Variants in XAB2 observed in about 807,000 individuals in gnomAD.
XAB2 encodes the protein XPA binding protein 2.
A neutral mutation model predicts 113.4 loss-of-function variants in XAB2; 57 were observed. That is an observed-to-expected ratio of 0.50 (90% CI 0.41 to 0.63). The LOEUF is 0.63. Among genes scored for constraint, XAB2 ranks in the 20% least tolerant of loss-of-function variants. XAB2 has a pLI of 0.00. For missense variants in XAB2, 1,037 were observed against 1,233.3 expected (o/e 0.84, Z 2.38); for synonymous variants, 497 against 498.8 (o/e 1.00, Z 0.05).
rs1362167484 is a variant in XAB2, at chr19:7,619,804, C to T, written c.2449G>A (p.Glu817Lys). ...TCGTCCTCGCCCAGCTGGATCTCCT[C>T]GGGGTTGACCTGCTGTGCCAGCTCT... ...LAELAQQVNP[E>K]EIQLGEDEDE... The change falls in exon 18 of 19, where the codon GAG (glutamate) becomes AAG (lysine). Residue 817 changes from glutamate (E) to lysine (K), a missense_variant. Physicochemically the swap from Glu to Lys is moderately conservative, Grantham distance 56. Coordinates refer to ENST00000358368, the MANE Select transcript of XAB2 (RefSeq NM_020196.3). 1.9e-6 allele frequency: 3 copies of T among 1,613,466 alleles called. No individual in the cohort carries two copies. The highest frequency in any genetic ancestry group is 2.5e-6 in the Non-Finnish European group (3 of 1,179,958).
At position 7,625,128 on chromosome 19, in the gene XAB2, C is replaced by T. The variant is rs994183606; in HGVS notation, c.823-683G>A. Reference sequence around the variant, plus strand: ...GCCTCCCCGCTCTCGGCTCTGGCCCCCTCTGCACCCACCTGCCCCCAGGCC... The same window carrying T: ...GCCTCCCCGCTCTCGGCTCTGGCCCTCTCTGCACCCACCTGCCCCCAGGCC... On this transcript the variant is annotated intron_variant, in intron 6 of 18. Coordinates refer to ENST00000358368, the MANE Select transcript of XAB2 (RefSeq NM_020196.3). This position sits in a 1 kb window ranked among gnomAD's most constrained non-coding sequence, Gnocchi z 5.2. Among the ~76,000 whole-genome samples, 1 of 152,228 alleles carries T rather than the reference C, an allele frequency of 6.6e-6. No individual in the cohort carries two copies. The highest frequency in any genetic ancestry group is 1.5e-5 in the Non-Finnish European group (1 of 68,040).
In XAB2 at chr19:7,628,050, G is replaced by A. The variant is rs1325419331; in HGVS notation, c.200+100C>T. On this transcript the variant is annotated intron_variant, in intron 2 of 18. Coordinates refer to ENST00000358368, the MANE Select transcript of XAB2 (RefSeq NM_020196.3). The surrounding 1 kb of genome is among the most constrained non-coding windows in gnomAD (Gnocchi z 4.6). Reference sequence around the variant, plus strand: ...GATGTACAGGTCAGTGATGAAACACGAAGCAATCACCCGGGACCCGGGACC... The same window carrying A: ...GATGTACAGGTCAGTGATGAAACACAAAGCAATCACCCGGGACCCGGGACC... The A allele has an allele frequency of 1.1e-5, 17 of 1,502,918 alleles. 1 individual carries two copies. Among genetic ancestry groups the A allele is most frequent in the East Asian group, 4.8e-5 (2 of 41,276 alleles). 93.1% of individuals were successfully genotyped at this position (1,502,918 alleles called of 1,614,324 possible).
In XAB2 at chr19:7,622,750, G is replaced by A; in HGVS notation, c.1371+12C>T. The A allele has an allele frequency of 1.9e-6, 3 of 1,613,898 alleles. No individual in the cohort carries two copies. Among genetic ancestry groups the A allele is most frequent in the Non-Finnish European group, 2.5e-6 (3 of 1,180,014 alleles). On this transcript the variant is annotated intron_variant, in intron 10 of 18. Coordinates refer to ENST00000358368, the MANE Select transcript of XAB2 (RefSeq NM_020196.3). ...CTGCAGCCCCCACCCCACAGCCTGG[G>A]CCTGTTCTCACTCGCAGCAGCCGCA... is the stretch of plus-strand genomic sequence containing the variant.
rs1448811999 is a variant in XAB2, at chr19:7,625,643, T to C, written c.822+237A>G. On this transcript the variant is annotated intron_variant, in intron 6 of 18. Transcript: ENST00000358368. The surrounding 1 kb of genome is among the most constrained non-coding windows in gnomAD (Gnocchi z 5.2). Reference sequence around the variant, plus strand: ...ACAGGCGCGCACCACCATGTCTGACTAATTTTTGTATTTTTAGTAGTGATG... The same window carrying C: ...ACAGGCGCGCACCACCATGTCTGACCAATTTTTGTATTTTTAGTAGTGATG... 6.6e-6 allele frequency among the ~76,000 whole-genome samples: 1 copy of C among 152,054 alleles called. No individual in the cohort carries two copies. The highest frequency in any genetic ancestry group is 1.9e-4 in the East Asian group (1 of 5,192).
rs752152693 is a variant in XAB2, at chr19:7,620,371, G to A, written c.2170C>T (p.Leu724=). Residue 724 remains leucine, a synonymous_variant, in exon 16 of 19, where the codon CTG becomes TTG. Transcript: ENST00000358368. ...HGNEDTIKEM[L]RIRRSVQATY... Reference sequence around the variant, plus strand: ...GCCTGCACGCTGCGCCGGATACGCAGCATTTCCTTGATGGTGTCCTCATTG... The same window carrying A: ...GCCTGCACGCTGCGCCGGATACGCAACATTTCCTTGATGGTGTCCTCATTG... 1.7e-5 allele frequency: 27 copies of A among 1,613,038 alleles called. No individual in the cohort carries two copies. Among genetic ancestry groups the A allele is most frequent in the Non-Finnish European group, 2.3e-5 (27 of 1,179,990 alleles).
intron 12 of XAB2, chr19:7,621,649 T>G: frequency 3.1e-6 from 1 of 320,598 alleles, no homozygotes; most frequent in Non-Finnish European, 5.9e-6. Context: ...GTAGCACGCG[T>G]ATGCATGTAC....
rs947855381 is a variant in XAB2 at position 7,627,832 on chromosome 19, A to G, written c.220T>C (p.Tyr74His). 6.2e-7 allele frequency: 1 copy of G among 1,613,910 alleles called. No homozygotes were observed. The highest frequency in any genetic ancestry group is 8.5e-7 in the Non-Finnish European group (1 of 1,179,886). The change falls in exon 3 of 19, where the codon TAC becomes CAC. Residue 74 changes from tyrosine to histidine, a missense_variant. Physicochemically the swap from Tyr to His is moderately conservative, Grantham distance 83. Transcript: ENST00000358368. This position sits in a 1 kb window ranked among gnomAD's most constrained non-coding sequence, Gnocchi z 4.5. ...LPCSYKLWYRYLKARRAQVKH... is the reference protein window; with the variant it reads ...LPCSYKLWYRHLKARRAQVKH... ...ACCTGTGCCCGACGCGCCTTCAGGT[A>G]TCGGTACCAGAGTTTGTAGCTGGGG...
rs2031104909 is a variant in XAB2, at chr19:7,624,781, C to A, written c.823-336G>T. ...CAAAAACCCCCCAGCGCCTATGGGT[C>A]CACCCTGCAGGGACCCTCGCCTCAG... On this transcript the variant is annotated intron_variant, in intron 6 of 18. Transcript: ENST00000358368. This position sits in a 1 kb window ranked among gnomAD's most constrained non-coding sequence, Gnocchi z 4.2. Among the ~76,000 whole-genome samples, 1 of 152,166 alleles carries A rather than the reference C, an allele frequency of 6.6e-6. No homozygotes were observed. Among genetic ancestry groups the A allele is most frequent in the African/African-American group, 2.4e-5 (1 of 41,442 alleles).
At position 7,620,045 on chromosome 19, in the gene XAB2, A is replaced by T; in HGVS notation, c.2297T>A (p.Met766Lys). 2.5e-6 allele frequency: 4 copies of T among 1,612,322 alleles called. No individual in the cohort carries two copies. Among genetic ancestry groups the T allele is most frequent in the Non-Finnish European group, 3.4e-6 (4 of 1,179,966 alleles). ...CTGTTCCAGCAGCTTCATGTCGTCC[A>T]TGCCACTCTGCCCAGGGGCCAGGTC... ...VSDLAPGQSG[M>K]DDMKLLEQRA... Residue 766 changes from methionine to lysine, a missense_variant, in exon 17 of 19, where the codon ATG (methionine) becomes AAG (lysine). Coordinates refer to ENST00000358368, the MANE Select transcript of XAB2 (RefSeq NM_020196.3).
In XAB2 at chr19:7,622,318, C is replaced by T; in HGVS notation, c.1617+13G>A. On this transcript the variant is annotated intron_variant, in intron 12 of 18. Coordinates refer to ENST00000358368, the MANE Select transcript of XAB2 (RefSeq NM_020196.3). ...TGCCATCAGGGGCCTCTGGGTCCAC[C>T]CTAGCCCCTCACCTTGAAGCTCTCC... The T allele has an allele frequency of 6.2e-7, 1 of 1,613,622 alleles. No homozygotes were observed. Among genetic ancestry groups the T allele is most frequent in the Non-Finnish European group, 8.5e-7 (1 of 1,179,652 alleles).
At position 7,624,473 on chromosome 19, in the gene XAB2, A is replaced by G. The variant is rs771190826; in HGVS notation, c.823-28T>C. ...GTGGGGACCCAGGGAAGGGGAGGTG[A>G]GAGGAAAGTGGCGCAGGGGACAGGC... is the stretch of plus-strand genomic sequence containing the variant. On this transcript the variant is annotated intron_variant, in intron 6 of 18. Coordinates refer to ENST00000358368, the MANE Select transcript of XAB2 (RefSeq NM_020196.3). The surrounding 1 kb of genome is among the most constrained non-coding windows in gnomAD (Gnocchi z 4.2). The G allele has an allele frequency of 6.2e-7, 1 of 1,613,534 alleles. No homozygotes were observed. The highest frequency in any genetic ancestry group is 8.5e-7 in the Non-Finnish European group (1 of 1,179,920).
In XAB2 at chr19:7,623,800, C is replaced by A. The variant is rs779577675; in HGVS notation, c.1050G>T (p.Leu350=). Residue 350 remains leucine (L), a synonymous_variant, in exon 8 of 19, where the codon CTG becomes CTT. Transcript: ENST00000358368. This position sits in a 1 kb window ranked among gnomAD's most constrained non-coding sequence, Gnocchi z 4.6. ...RRPLLLNSVL[L]RQNPHHVHEW... is the part of the protein sequence containing the mutation. ...CGTGCACGTGGTGTGGGTTTTGGCG[C>A]AGCAAGACGCTGTTGAGGAGCAGGG... 1 of 1,612,152 alleles carries A rather than the reference C, an allele frequency of 6.2e-7. No homozygotes were observed. The highest frequency in any genetic ancestry group is 1.1e-5 in the South Asian group (1 of 91,046).
At position 7,621,365 on chromosome 19, in the gene XAB2, T is replaced by C. The variant is rs1029850512; in HGVS notation, c.1618-68A>G. On this transcript the variant is annotated intron_variant, in intron 12 of 18. Transcript: ENST00000358368. ...AGACCACCAGGCACCCGGGATGTCC[T>C]TGGGTGGCGTCTGTAGGGAGCCTGC... 4.4e-6 allele frequency: 7 copies of C among 1,573,330 alleles called. No homozygotes were observed. In the Admixed American group the frequency reaches 1.2e-4, roughly 27 times the overall value.
At position 7,623,105 on chromosome 19, in the gene XAB2, C is replaced by T. The variant is rs2031070525; in HGVS notation, c.1239+65G>A. 1.9e-6 allele frequency: 3 copies of T among 1,598,168 alleles called. No homozygotes were observed. The highest frequency in any genetic ancestry group is 3.4e-5 in the Admixed American group (2 of 59,688). On this transcript the variant is annotated intron_variant, in intron 9 of 18. Coordinates refer to ENST00000358368, the MANE Select transcript of XAB2 (RefSeq NM_020196.3). This position sits in a 1 kb window ranked among gnomAD's most constrained non-coding sequence, Gnocchi z 4.6. ...ATGCACAAATATGTACACACACATA[C>T]ATGCACACATATACAAGCACACACA... is the stretch of plus-strand genomic sequence containing the variant.
In XAB2 at chr19:7,628,005, G is replaced by A; in HGVS notation, c.200+145C>T. ...AGGGACAGACTGGGACATCAGAGAA[G>A]GTGTGCTGACCCATCAAGGGATGTA... is the stretch of plus-strand genomic sequence containing the variant. On this transcript the variant is annotated intron_variant, in intron 2 of 18. Transcript: ENST00000358368. The surrounding 1 kb of genome is among the most constrained non-coding windows in gnomAD (Gnocchi z 4.6). 7 of 1,455,358 alleles carry A rather than the reference G, an allele frequency of 4.8e-6. No homozygotes were observed. The highest frequency in any genetic ancestry group is 6.5e-6 in the Non-Finnish European group (7 of 1,078,294). The allele number at this position is 1,455,358 out of a possible 1,614,324, so 90.2% of individuals were successfully genotyped here.
At position 7,626,249 on chromosome 19, in the gene XAB2, C is replaced by T. The variant is rs746611879; in HGVS notation, c.544G>A (p.Glu182Lys). The change falls in exon 5 of 19, where the codon GAG (glutamate) becomes AAG (lysine). Residue 182 changes from glutamate (E) to lysine (K), a missense_variant. Transcript: ENST00000358368. ...CTTGACTTGAGGTACTCAATGTACT[C>T]CTCTGCACTCTCAGGACTCAGCTGG... The part of the protein sequence containing the change: ...FLKLSPESAE[E>K]YIEYLKSSDR... The T allele has an allele frequency of 1.2e-6, 2 of 1,612,560 alleles. No homozygotes were observed. The highest frequency in any genetic ancestry group is 1.1e-5 in the South Asian group (1 of 91,094).
chr19:7,619,691 G>A lies in XAB2; in HGVS notation c.2507-44C>T, dbSNP rs115862729. On this transcript the variant is annotated intron_variant, in intron 18 of 18. Coordinates refer to ENST00000358368, the MANE Select transcript of XAB2 (RefSeq NM_020196.3). ...CCAGTCACCCTCCTGGCGTTGGCCT[G>A]TCCCCCGAGGCCCACCCTGGTAATG... The A allele has an allele frequency of 3.0e-3, 4,867 of 1,607,390 alleles. 127 individuals carry two copies. In the African/African-American group the frequency reaches 0.053, roughly 18 times the overall value.
In XAB2 at chr19:7,625,994, C is replaced by T; in HGVS notation, c.708G>A (p.Gln236=). ...DLISQNPDKV[Q]SLNVDAIIRG... ...GGATGATGGCGTCCACATTGAGGGA[C>T]TGTACCTTGTCCGGATTCTGGGAGA... The change falls in exon 6 of 19, where the codon CAG becomes CAA. Residue 236 remains glutamine (Q), a synonymous_variant. Transcript: ENST00000358368. This position sits in a 1 kb window ranked among gnomAD's most constrained non-coding sequence, Gnocchi z 5.2. 1.9e-6 allele frequency: 3 copies of T among 1,613,464 alleles called. No homozygotes were observed. Among genetic ancestry groups the T allele is most frequent in the African/African-American group, 1.3e-5 (1 of 75,064 alleles).
Position 7,621,118 on chromosome 19 carries a change from C to T in XAB2, c.1780+17G>A. 6.5e-7 allele frequency: 1 copy of T among 1,549,822 alleles called. No individual in the cohort carries two copies. Among genetic ancestry groups the T allele is most frequent in the Non-Finnish European group, 8.8e-7 (1 of 1,140,990 alleles). On this transcript the variant is annotated intron_variant, in intron 13 of 18. Transcript: ENST00000358368. ...CAGCCCGCCCGCCACCCCCCCCATG[C>T]CCTCTGCCCGCCTCACTCTTGGCAT...
Sources: gnomAD v4.1 joint callset for allele counts (sites outside exome capture counted in the v4.1 genomes callset) on GRCh38, gnomAD v4.1.1 for gene constraint, Gnocchi (gnomAD v3.1) non-coding constraint, MANE v1.5 for transcripts, NCBI Gene and HGNC (gene_info 2026-07-23, HGNC 2026-07-21) for gene names.